NAALADL2: variants seen among roughly 807,000 people sequenced by gnomAD.
NAALADL2 encodes the protein inactive N-acetylated-alpha-linked acidic dipeptidase-like protein 2.
In NAALADL2, 76 loss-of-function variants were observed where a neutral mutation model predicts 87.2. That is an observed-to-expected ratio of 0.87 (90% CI 0.72 to 1.05). The LOEUF (loss-of-function observed/expected upper bound fraction) is 1.05, where lower values mean the gene tolerates loss of function less well. Ranked by LOEUF, NAALADL2 falls within the 50% of genes least tolerant of loss-of-function variation. NAALADL2 has a pLI of 0.00. For missense variants in NAALADL2, 1,089 were observed against 945.8 expected, an observed-to-expected ratio of 1.15 and a Z score of -1.99; for synonymous variants, 354 against 331.0, an observed-to-expected ratio of 1.07 and a Z score of -0.75.
At chr3:174,785,014 A>C (rs190396063) in intron 3 of NAALADL2, among the ~76,000 whole-genome samples, 1 of 152,130 alleles carries the variant, frequency 6.6e-6, no homozygotes, top group African/African-American at 2.4e-5. Context: ...TTTAATTTTT[A>C]ATTTTGTTAT....
At chr3:175,386,688 C>A (rs1050756493) in intron 5 of NAALADL2, among the ~76,000 whole-genome samples, 2 of 152,082 alleles carry the variant, frequency 1.3e-5, no homozygotes, top group African/African-American at 2.4e-5. Context: ...AATTGCCCAC[C>A]ATTCTGGTTA....
chr3:175,651,667 C>T (rs1730786118), intron 11 of NAALADL2, among the ~76,000 whole-genome samples: 1 of 152,116 alleles, frequency 6.6e-6, no homozygotes, highest in African/African-American at 2.4e-5. Context: ...ATTTTTATCC[C>T]TTCAATAATG....
chr3:175,428,440 G>T (rs1440310101), intron 5 of NAALADL2, among the ~76,000 whole-genome samples: 2 of 152,126 alleles, frequency 1.3e-5, no homozygotes, highest in African/African-American at 4.8e-5. Flanking sequence ...CCAGCAGACA[G>T]GACATTTTTT....
At chr3:175,638,127 A>G (rs926234705) in intron 11 of NAALADL2, among the ~76,000 whole-genome samples, 3 of 152,218 alleles carry the variant, frequency 2.0e-5, no homozygotes, top group Non-Finnish European at 4.4e-5. Context: ...TTAGTGTGTT[A>G]TTACCTCGAA....
At chr3:175,366,635 C>G (rs1259893388) in intron 5 of NAALADL2, among the ~76,000 whole-genome samples, 2 of 151,812 alleles carry the variant, frequency 1.3e-5, no homozygotes, top group Admixed American at 6.6e-5. Flanking sequence ...TTTCATGTGT[C>G]TGTTGGCTGC....
intron 3 of NAALADL2, among the ~76,000 whole-genome samples, chr3:174,846,780 A>G (rs1724669314): frequency 6.6e-6 from 1 of 151,896 alleles, no homozygotes; most frequent in Non-Finnish European, 1.5e-5. Context: ...TGCTGGTAAC[A>G]TGTTGACATT....
chr3:174,709,544 T>C (rs1007119705), intron 2 of NAALADL2, among the ~76,000 whole-genome samples: 1 of 152,178 alleles, frequency 6.6e-6, no homozygotes, highest in African/African-American at 2.4e-5. Context: ...CTTAAGGTGA[T>C]ATGGCTTGAT....
chr3:175,297,109 G>T (rs1345128478), intron 4 of NAALADL2, among the ~76,000 whole-genome samples: 2 of 152,056 alleles, frequency 1.3e-5, no homozygotes, highest in Non-Finnish European at 2.9e-5. Context: ...ACTATCTATG[G>T]CTCCTTTTGT....
At chr3:175,005,051 G>C (rs1442774929) in intron 1 of NAALADL2, among the ~76,000 whole-genome samples, 1 of 152,130 alleles carries the variant, frequency 6.6e-6, no homozygotes, top group African/African-American at 2.4e-5. Flanking sequence ...ACTTCCTCTT[G>C]CTAAAGTATT....
chr3:174,792,771 A>G (rs1717619928), intron 3 of NAALADL2, among the ~76,000 whole-genome samples: 1 of 152,192 alleles, frequency 6.6e-6, no homozygotes, highest in African/African-American at 2.4e-5. Flanking sequence ...ATCTGACAGT[A>G]TTAAGAATAC....
intron 9 of NAALADL2, among the ~76,000 whole-genome samples, chr3:175,551,407 A>G (rs925498306): frequency 6.6e-6 from 1 of 152,068 alleles, no homozygotes; most frequent in Non-Finnish European, 1.5e-5. Context: ...CAGATCTCTT[A>G]CTCATGTCAA....
chr3:175,172,423 A>G (rs1412995440), intron 2 of NAALADL2, among the ~76,000 whole-genome samples: 1 of 152,158 alleles, frequency 6.6e-6, no homozygotes. Context: ...CTGGTTAAGT[A>G]ACAACTTCGC....
intron 9 of NAALADL2, among the ~76,000 whole-genome samples, chr3:175,501,753 G>A (rs1232976898): frequency 2.0e-5 from 3 of 152,148 alleles, no homozygotes; most frequent in Non-Finnish European, 4.4e-5. Context: ...ATGACTAGTA[G>A]TGAAAAGTTT....
At chr3:174,546,153 A>C (rs1722707529) in intron 1 of NAALADL2, among the ~76,000 whole-genome samples, 1 of 152,026 alleles carries the variant, frequency 6.6e-6, no homozygotes, top group Non-Finnish European at 1.5e-5. Context: ...AATGATGAGG[A>C]GAGGCCTTTC....
At chr3:175,643,953 TG>T (rs1309922574) in intron 11 of NAALADL2, among the ~76,000 whole-genome samples, 1 of 152,102 alleles carries the variant, frequency 6.6e-6, no homozygotes, top group Non-Finnish European at 1.5e-5. Flanking sequence ...CTGCCAAACT[TG>T]ATTTCATTTC....
chr3:175,331,086 A>G (rs1761335318), intron 5 of NAALADL2, among the ~76,000 whole-genome samples: 1 of 152,196 alleles, frequency 6.6e-6, no homozygotes, highest in Non-Finnish European at 1.5e-5. Context: ...ATCTACAAAG[A>G]TTGAATCAGG....
At position 175,807,652 on chromosome 3, in the gene NAALADL2, A is replaced by C. The variant is rs1754824949; in HGVS notation, c.*4449A>C. On this transcript the variant is annotated 3_prime_UTR_variant, in exon 14 of 14. Transcript: ENST00000454872. The stretch of plus-strand genomic sequence containing the variant: ...CACATATTCCAATAAATATATCAGC[A>C]ATATAACAGTTTCATCATGGGACCA... 1 of 151,904 alleles carries C rather than the reference A, an allele frequency of 6.6e-6. No individual in the cohort carries two copies. The highest frequency in any genetic ancestry group is 2.1e-4 in the South Asian group (1 of 4,838). 9.4% of individuals were successfully genotyped at this position (151,904 alleles called of 1,614,324 possible). A position where few individuals can be genotyped will look rare whatever the true frequency, so the allele number is the denominator to read the frequency against.
At chr3:174,469,878 G>C (rs941983252) in intron 1 of NAALADL2, among the ~76,000 whole-genome samples, 1 of 152,062 alleles carries the variant, frequency 6.6e-6, no homozygotes, top group Non-Finnish European at 1.5e-5. Flanking sequence ...AGGTTCATCA[G>C]AGTATGTAGA....
rs549695355 is a variant in NAALADL2 at position 175,481,235 on chromosome 3, T to A, written c.1653+9477T>A. 3.3e-5 allele frequency among the ~76,000 whole-genome samples: 5 copies of A among 152,030 alleles called. No individual in the cohort carries two copies. In the East Asian group the frequency reaches 9.7e-4, roughly 29 times the overall value. ...AAAATAAAAATGGCCAATTAATGTA[T>A]GTGTATTATTATATAGCTATATTGC... On this transcript the variant is annotated intron_variant, in intron 9 of 13. Coordinates refer to ENST00000454872, the MANE Select transcript of NAALADL2 (RefSeq NM_207015.3).
Sources: gnomAD v4.1 joint callset for allele counts (sites outside exome capture counted in the v4.1 genomes callset) on GRCh38, gnomAD v4.1.1 for gene constraint, MANE v1.5 for transcripts, NCBI Gene and HGNC (gene_info 2026-07-23, HGNC 2026-07-21) for gene names.